The following MAGI2 variants were observed in gnomAD, a reference collection of about 807,000 sequenced individuals.
MAGI2 encodes membrane associated guanylate kinase, WW and PDZ domain containing 2, also known as membrane-associated guanylate kinase, WW and PDZ domain-containing protein 2.
A neutral mutation model predicts 133.3 loss-of-function variants in MAGI2; 35 were observed. That is an observed-to-expected ratio of 0.26 (90% CI 0.20 to 0.35). The LOEUF (loss-of-function observed/expected upper bound fraction) is 0.35. Among genes scored for constraint, MAGI2 ranks in the 10% least tolerant of loss-of-function variants. The pLI, the probability that MAGI2 is intolerant of heterozygous loss-of-function variation, is 1.00. For synonymous variants in MAGI2, 729 were observed against 710.6 expected, an observed-to-expected ratio of 1.03 and a Z score of -0.41; for missense variants, 1,636 against 1,863.4, an observed-to-expected ratio of 0.88 and a Z score of 2.25.
At chr7:78,230,302 GTTATT>G (rs759440760) in intron 10 of MAGI2, among the ~76,000 whole-genome samples, 2 of 152,186 alleles carry the variant, frequency 1.3e-5, no homozygotes, top group Non-Finnish European at 2.9e-5. Flanking sequence ...GGTGTACAGA[GTTATT>G]TTTATAGCAT....
At chr7:78,301,927 T>C (rs562219545) in intron 9 of MAGI2, among the ~76,000 whole-genome samples, 1 of 152,242 alleles carries the variant, frequency 6.6e-6, no homozygotes, top group East Asian at 1.9e-4. Flanking sequence ...ATCTATAAAA[T>C]GGGGGTGATA....
At chr7:79,002,319 T>G (rs1286150724) in intron 2 of MAGI2, among the ~76,000 whole-genome samples, 1 of 151,772 alleles carries the variant, frequency 6.6e-6, no homozygotes, top group East Asian at 1.9e-4. Flanking sequence ...GAGATAGTGT[T>G]TTCTTAAGGG....
chr7:78,375,236 C>G (rs975088225), intron 6 of MAGI2, among the ~76,000 whole-genome samples: 1 of 152,026 alleles, frequency 6.6e-6, no homozygotes, highest in Non-Finnish European at 1.5e-5. Context: ...TTTCTGCTCC[C>G]TAGAAAAACT....
intron 1 of MAGI2, among the ~76,000 whole-genome samples, chr7:79,430,357 C>T (rs1046966003): frequency 6.6e-6 from 1 of 152,086 alleles, no homozygotes. Context: ...TGCCTTTATT[C>T]CCTGATTTCC....
intron 9 of MAGI2, among the ~76,000 whole-genome samples, chr7:78,328,530 C>CACACACACACACACACA (rs10525463): frequency 0.058 from 7,145 of 124,008 alleles, 316 homozygotes; most frequent in Admixed American, 0.084. Context: ...CACACACACA[C>CACACACACACACACACA]CCCTCTCTCT....
chr7:79,317,667 T>C, intron 1 of MAGI2, among the ~76,000 whole-genome samples: 1 of 152,164 alleles, frequency 6.6e-6, no homozygotes, highest in African/African-American at 2.4e-5. Flanking sequence ...CACAGCCCAA[T>C]TCACGCAAGC....
At chr7:78,829,117 AG>A (rs973767865) in intron 2 of MAGI2, among the ~76,000 whole-genome samples, 1 of 152,130 alleles carries the variant, frequency 6.6e-6, no homozygotes, top group Admixed American at 6.5e-5. Context: ...TGTTTTTGAT[AG>A]CAATTAAACC....
At chr7:78,490,656 A>T (rs1304674986) in intron 5 of MAGI2, among the ~76,000 whole-genome samples, 2 of 152,106 alleles carry the variant, frequency 1.3e-5, no homozygotes, top group Non-Finnish European at 2.9e-5. Context: ...AGAACTATCA[A>T]ATAAGAATCT....
At chr7:78,726,549 TTAGATAAAAGA>T (rs1820826060) in intron 2 of MAGI2, among the ~76,000 whole-genome samples, 1 of 152,162 alleles carries the variant, frequency 6.6e-6, no homozygotes, top group African/African-American at 2.4e-5. Flanking sequence ...TTAACTGAAG[TTAGATAAAAGA>T]TAGAAGGGCA....
intron 2 of MAGI2, among the ~76,000 whole-genome samples, chr7:78,805,999 C>T (rs1031278081): frequency 6.6e-6 from 1 of 151,508 alleles, no homozygotes; most frequent in African/African-American, 2.4e-5. Context: ...ACTAAATTGT[C>T]AGAAAAAAAA....
intron 2 of MAGI2, among the ~76,000 whole-genome samples, chr7:78,852,759 C>T (rs1353277238): frequency 2.6e-5 from 4 of 151,884 alleles, no homozygotes; most frequent in East Asian, 1.9e-4. Flanking sequence ...ATTTGGGGAA[C>T]GAAAAGAGTA....
chr7:78,438,713 T>C (rs144382276), intron 6 of MAGI2, among the ~76,000 whole-genome samples: 236 of 152,306 alleles, frequency 1.5e-3, no homozygotes, highest in African/African-American at 4.7e-3. Context: ...ACTCACTTGC[T>C]GCACCTGTAG....
At chr7:78,856,846 G>A (rs1032685607) in intron 2 of MAGI2, among the ~76,000 whole-genome samples, 5 of 152,218 alleles carry the variant, frequency 3.3e-5, no homozygotes, top group Admixed American at 2.6e-4. Flanking sequence ...CACGGGCAGT[G>A]TGGCCATTTT....
chr7:78,374,061 T>A (rs566990965), intron 6 of MAGI2, among the ~76,000 whole-genome samples: 1 of 152,286 alleles, frequency 6.6e-6, no homozygotes, highest in South Asian at 2.1e-4. Flanking sequence ...AGCAAAAATA[T>A]GTGAGTGCGT....
chr7:78,709,703 A>G (rs1187006410), intron 2 of MAGI2, among the ~76,000 whole-genome samples: 1 of 152,164 alleles, frequency 6.6e-6, no homozygotes, highest in Non-Finnish European at 1.5e-5. Flanking sequence ...CAGAATTTAT[A>G]TGTGTTTGTG....
chr7:79,216,097 C>T (rs1830017024), intron 1 of MAGI2, among the ~76,000 whole-genome samples: 1 of 151,806 alleles, frequency 6.6e-6, no homozygotes, highest in Non-Finnish European at 1.5e-5. Flanking sequence ...CCATATAAAC[C>T]TCAAACCCAA....
intron 3 of MAGI2, among the ~76,000 whole-genome samples, chr7:78,625,347 T>C (rs992808044): frequency 6.6e-6 from 1 of 151,768 alleles, no homozygotes; most frequent in Non-Finnish European, 1.5e-5. Flanking sequence ...ATTAAAACAA[T>C]TTTAAATAGA....
At chr7:78,967,715 T>C (rs576781969) in intron 2 of MAGI2, among the ~76,000 whole-genome samples, 1 of 152,172 alleles carries the variant, frequency 6.6e-6, no homozygotes, top group East Asian at 1.9e-4. Flanking sequence ...GTCCTTCCCC[T>C]TTGTGTATTC....
intron 2 of MAGI2, among the ~76,000 whole-genome samples, chr7:78,677,032 A>C (rs1167508957): frequency 1.3e-5 from 2 of 152,086 alleles, no homozygotes; most frequent in Non-Finnish European, 2.9e-5. Flanking sequence ...AACTCAGTTT[A>C]AACAGTTTTT....
Sources: gnomAD v4.1 joint callset for allele counts (sites outside exome capture counted in the v4.1 genomes callset) on GRCh38, gnomAD v4.1.1 for gene constraint, MANE v1.5 for transcripts, NCBI Gene and HGNC (gene_info 2026-07-23, HGNC 2026-07-21) for gene names.